CCDC178: variants seen among roughly 807,000 people sequenced by gnomAD.
The protein encoded by CCDC178 is coiled-coil domain containing 178.
A neutral mutation model predicts 117.4 loss-of-function variants in CCDC178; 126 were observed. The ratio of observed to expected loss-of-function variants is 1.07; its 90% CI spans 0.93 to 1.24. The LOEUF (loss-of-function observed/expected upper bound fraction) is 1.24. CCDC178 is among the 50% of genes most tolerant of loss of function. The probability of loss-of-function intolerance (pLI) is 0.00; values close to 1 mark genes in which losing one functional copy is unlikely to be tolerated. For missense variants in CCDC178, 1,030 were observed against 986.9 expected (o/e 1.04, Z -0.59); for synonymous variants, 283 against 313.4 (o/e 0.90, Z 1.02).
At chr18:33,349,498 A>C (rs751044209) in intron 7 of CCDC178, among the ~76,000 whole-genome samples, 6 of 151,954 alleles carry the variant, frequency 3.9e-5, no homozygotes, top group Non-Finnish European at 8.8e-5. Context: ...GACAACACTA[A>C]ACTGTAGTGT....
chr18:33,046,429 G>A (rs1028242267), intron 21 of CCDC178, among the ~76,000 whole-genome samples: 1 of 151,918 alleles, frequency 6.6e-6, no homozygotes, highest in Admixed American at 6.6e-5. Context: ...ATGGCCTAGA[G>A]AGACAACTTC....
At chr18:32,977,212 C>T (rs1004300550) in intron 21 of CCDC178, among the ~76,000 whole-genome samples, 9 of 152,064 alleles carry the variant, frequency 5.9e-5, no homozygotes, top group African/African-American at 1.9e-4. Flanking sequence ...TTATTCAATT[C>T]CGTCTAACTT....
intron 14 of CCDC178, among the ~76,000 whole-genome samples, chr18:33,254,710 A>G (rs2059658354): frequency 6.6e-6 from 1 of 152,052 alleles, no homozygotes; most frequent in Admixed American, 6.6e-5. Context: ...GCTGAAGAAG[A>G]AGACGAAGAG....
chr18:33,071,604 A>C (rs947292407), intron 21 of CCDC178, among the ~76,000 whole-genome samples: 1 of 152,068 alleles, frequency 6.6e-6, no homozygotes, highest in African/African-American at 2.4e-5. Context: ...ATGGTAGTGA[A>C]ATCCATCTTG....
intron 20 of CCDC178, among the ~76,000 whole-genome samples, chr18:33,155,804 C>A (rs935668590): frequency 6.6e-6 from 1 of 152,018 alleles, no homozygotes; most frequent in Non-Finnish European, 1.5e-5. Flanking sequence ...CACATACTAG[C>A]AGACCCAGAC....
Position 33,370,200 on chromosome 18 carries a change from C to G in CCDC178, c.209-11G>C. The G allele has an allele frequency of 6.3e-7, 1 of 1,577,854 alleles. No homozygotes were observed. The highest frequency in any genetic ancestry group is 8.6e-7 in the Non-Finnish European group (1 of 1,164,432). ...TGCCTTTATTCACCCCTAAAGAGAA[C>G]AAATAGAAGTTCATTACTCATTCTA... On this transcript the variant is annotated splice_polypyrimidine_tract_variant and intron_variant, in intron 5 of 22. Coordinates refer to ENST00000383096, the MANE Select transcript of CCDC178 (RefSeq NM_001105528.4).
intron 20 of CCDC178, among the ~76,000 whole-genome samples, chr18:33,123,369 C>G (rs1278964062): frequency 1.3e-5 from 2 of 152,076 alleles, no homozygotes; most frequent in Non-Finnish European, 2.9e-5. Flanking sequence ...GACTGTAACA[C>G]TCGGACCAGG....
At chr18:33,095,772 A>G (rs969150687) in intron 20 of CCDC178, among the ~76,000 whole-genome samples, 1 of 151,042 alleles carries the variant, frequency 6.6e-6, no homozygotes, top group Admixed American at 6.6e-5. Context: ...TGAGAGGTGT[A>G]TATATATATA....
chr18:33,226,788 A>C lies in CCDC178; in HGVS notation c.1656+5T>G. On this transcript the variant is annotated splice_donor_5th_base_variant and intron_variant, in intron 16 of 22. Coordinates refer to ENST00000383096, the MANE Select transcript of CCDC178 (RefSeq NM_001105528.4). ...AATAAAATATTAAAACCAAATCAGTATTACCTGAAGCACCATTCCAGCAGC... is the reference window on the plus strand; with the variant it reads ...AATAAAATATTAAAACCAAATCAGTCTTACCTGAAGCACCATTCCAGCAGC... 1 of 1,566,392 alleles carries C rather than the reference A, an allele frequency of 6.4e-7. No individual in the cohort carries two copies. Among genetic ancestry groups the C allele is most frequent in the South Asian group, 1.2e-5 (1 of 86,360 alleles).
intron 21 of CCDC178, among the ~76,000 whole-genome samples, chr18:33,005,764 C>A (rs1287792853): frequency 6.6e-6 from 1 of 151,824 alleles, no homozygotes; most frequent in Non-Finnish European, 1.5e-5. Context: ...ATTAAAAACT[C>A]AAAATAAGTA....
At chr18:33,122,804 T>C (rs1452133172) in intron 20 of CCDC178, among the ~76,000 whole-genome samples, 1 of 152,190 alleles carries the variant, frequency 6.6e-6, no homozygotes, top group African/African-American at 2.4e-5. Flanking sequence ...TAATTAGCTA[T>C]TTTAATATTG....
At chr18:33,408,046 C>G (rs2063804971) in intron 3 of CCDC178, among the ~76,000 whole-genome samples, 1 of 151,364 alleles carries the variant, frequency 6.6e-6, no homozygotes, top group African/African-American at 2.4e-5. Flanking sequence ...TATTAAAATA[C>G]AGTAAAATTT....
rs1275038702 is a variant in CCDC178, at chr18:33,267,056, TAAGAA to T, written c.1273-9_1273-5del. 10 of 1,576,584 alleles carry T rather than the reference TAAGAA, an allele frequency of 6.3e-6. No homozygotes were observed. The African/African-American group carries it at 9.7e-5, about 15-fold the overall frequency. On this transcript the variant is annotated splice_polypyrimidine_tract_variant and splice_region_variant and intron_variant, in intron 13 of 22. Transcript: ENST00000383096. ...GCTCAATATCCCATGTTTTTTTCTT[TAAGAA>T]AAGAATAAAAGAATCATTCATACAT...
chr18:33,170,400 T>C (rs972767942), intron 20 of CCDC178, among the ~76,000 whole-genome samples: 2 of 152,148 alleles, frequency 1.3e-5, no homozygotes, highest in African/African-American at 4.8e-5. Flanking sequence ...TAAAACTAAA[T>C]AACTTATTAT....
intron 21 of CCDC178, among the ~76,000 whole-genome samples, chr18:33,027,354 A>T (rs1486318996): frequency 6.6e-6 from 1 of 151,762 alleles, no homozygotes; most frequent in Non-Finnish European, 1.5e-5. Context: ...TCATTGTGGT[A>T]TAAGAGATAA....
intron 12 of CCDC178, among the ~76,000 whole-genome samples, chr18:33,278,153 G>A (rs1191753241): frequency 2.0e-5 from 3 of 151,548 alleles, no homozygotes; most frequent in Admixed American, 1.3e-4. Flanking sequence ...ATATCCTGGG[G>A]TGAAATGTCT....
chr18:32,958,218 G>T (rs540245937), intron 22 of CCDC178: 10 of 568,130 alleles, frequency 1.8e-5, no homozygotes, highest in African/African-American at 7.6e-5. Context: ...AAATCATACT[G>T]GTTCTGTAAA....
chr18:33,182,399 T>A (rs1046928508), intron 20 of CCDC178, among the ~76,000 whole-genome samples: 7 of 152,020 alleles, frequency 4.6e-5, no homozygotes, highest in Admixed American at 3.3e-4. Flanking sequence ...GATTACATTT[T>A]AAAAAATCAA....
intron 10 of CCDC178, among the ~76,000 whole-genome samples, chr18:33,325,952 T>C (rs1599164531): frequency 6.6e-6 from 1 of 152,182 alleles, no homozygotes; most frequent in East Asian, 1.9e-4. Context: ...AACATTTTCA[T>C]CATCCCAAAG....
Sources: gnomAD v4.1 joint callset for allele counts (sites outside exome capture counted in the v4.1 genomes callset) on GRCh38, gnomAD v4.1.1 for gene constraint, MANE v1.5 for transcripts, NCBI Gene and HGNC (gene_info 2026-07-23, HGNC 2026-07-21) for gene names.